The following BMPR1A variants were observed in gnomAD, a reference collection of about 807,000 sequenced individuals.
BMPR1A encodes bone morphogenetic protein receptor type-1A.
BMPR1A carries 7 observed loss-of-function variants against 66.0 expected under a neutral mutation model. The ratio of observed to expected loss-of-function variants is 0.11; its 90% confidence interval spans 0.06 to 0.20. The LOEUF is 0.20. Ranked by LOEUF, BMPR1A falls within the 10% of genes least tolerant of loss-of-function variation. BMPR1A has a pLI of 1.00. For synonymous variants in BMPR1A, 200 were observed against 229.7 expected (o/e 0.87, Z 1.17); for missense variants, 408 against 669.1 (o/e 0.61, Z 4.31).
At chr10:86,846,323 C>CG (rs377757872) in intron 2 of BMPR1A, among the ~76,000 whole-genome samples, 59 of 152,264 alleles carry the variant, frequency 3.9e-4, no homozygotes, top group African/African-American at 1.3e-3. Context: ...GCTCCATTGA[C>CG]GGGCCTGGTA....
rs932587168 is a variant in BMPR1A, at chr10:86,830,984, A to G, written c.-267-7881A>G. Among the ~76,000 whole-genome samples the G allele has an allele frequency of 3.3e-5, 5 of 152,114 alleles. No individual in the cohort carries two copies. The East Asian group carries it at 7.7e-4, about 23-fold the overall frequency. The stretch of plus-strand genomic sequence containing the variant: ...CTGAATATTTCCTATAAGTGGAATC[A>G]TATGTCTGGCTTCTTTCACTTAGCA... On this transcript the variant is annotated intron_variant, in intron 1 of 12. Transcript: ENST00000372037.
At chr10:86,922,453 T>G (rs1048819410) in intron 11 of BMPR1A, among the ~76,000 whole-genome samples, 8 of 152,174 alleles carry the variant, frequency 5.3e-5, no homozygotes, top group Non-Finnish European at 1.2e-4. Flanking sequence ...GTAATTTAGA[T>G]GTCACATACG....
intron 1 of BMPR1A, among the ~76,000 whole-genome samples, chr10:86,765,114 A>G (rs529296076): frequency 7.9e-5 from 12 of 152,274 alleles, no homozygotes; most frequent in African/African-American, 2.9e-4. Context: ...GAAAGTTTAA[A>G]ATTACACGTC....
At chr10:86,799,502 C>CTTTCTT (rs1554879873) in intron 1 of BMPR1A, among the ~76,000 whole-genome samples, 2 of 122,536 alleles carry the variant, frequency 1.6e-5, no homozygotes, top group Non-Finnish European at 3.3e-5. Flanking sequence ...TCCTTCCTTC[C>CTTTCTT]TTCCTTTCTT....
chr10:86,811,093 C>T (rs1486567066), intron 1 of BMPR1A, among the ~76,000 whole-genome samples: 2 of 152,166 alleles, frequency 1.3e-5, no homozygotes, highest in Non-Finnish European at 1.5e-5. Context: ...GGCTGGAGTG[C>T]CGTAGTGCCA....
chr10:86,899,666 T>C (rs1843277165), intron 5 of BMPR1A, 128 bp from the exon 6 acceptor site: 9 of 948,482 alleles, frequency 9.5e-6, no homozygotes, highest in Non-Finnish European at 1.4e-5. Context: ...CAATAATCTG[T>C]TTTTACATAT....
intron 1 of BMPR1A, among the ~76,000 whole-genome samples, chr10:86,761,049 T>G (rs1308144135): frequency 6.6e-6 from 1 of 152,198 alleles, no homozygotes; most frequent in Non-Finnish European, 1.5e-5. Context: ...AGTGTTTCTC[T>G]CCCTAATCAA....
At chr10:86,767,876 C>T (rs1264443440) in intron 1 of BMPR1A, among the ~76,000 whole-genome samples, 4 of 152,150 alleles carry the variant, frequency 2.6e-5, no homozygotes, top group Non-Finnish European at 1.5e-5. Flanking sequence ...TTTGGCACCA[C>T]ACCTAAACAG....
At position 86,827,380 on chromosome 10, in the gene BMPR1A, A is replaced by G. The variant is rs534669927; in HGVS notation, c.-267-11485A>G. ...GTTCATTAATTTTTCACTATTTGATATAATATTCCAAATTACTGGAATATG... is the reference window on the plus strand; with the variant it reads ...GTTCATTAATTTTTCACTATTTGATGTAATATTCCAAATTACTGGAATATG... On this transcript the variant is annotated intron_variant, in intron 1 of 12. Transcript: ENST00000372037. Among the ~76,000 whole-genome samples the G allele has an allele frequency of 9.2e-5, 14 of 152,330 alleles. No individual in the cohort carries two copies. The South Asian group carries it at 2.9e-3, about 32-fold the overall frequency.
intron 1 of BMPR1A, among the ~76,000 whole-genome samples, chr10:86,830,263 G>A (rs1017922722): frequency 6.6e-6 from 1 of 152,226 alleles, no homozygotes; most frequent in Admixed American, 6.5e-5. Context: ...ACACCTTGAC[G>A]GGAGGTTTGC....
chr10:86,780,070 C>T (rs1363088277), intron 1 of BMPR1A, among the ~76,000 whole-genome samples: 1 of 152,084 alleles, frequency 6.6e-6, no homozygotes, highest in Non-Finnish European at 1.5e-5. Context: ...GGTAATAGCA[C>T]CTGGCCTATT....
At chr10:86,765,193 A>G (rs958145059) in intron 1 of BMPR1A, among the ~76,000 whole-genome samples, 1 of 152,052 alleles carries the variant, frequency 6.6e-6, no homozygotes, top group African/African-American at 2.4e-5. Context: ...TTTAAAATCT[A>G]GTATAAATCC....
intron 2 of BMPR1A, among the ~76,000 whole-genome samples, chr10:86,854,201 C>T (rs1424067328): frequency 3.9e-5 from 6 of 152,180 alleles, no homozygotes; most frequent in African/African-American, 1.2e-4. Flanking sequence ...CCCGGCTCAC[C>T]GGCGGTCAGA....
At chr10:86,855,220 C>A (rs1254455664) in intron 2 of BMPR1A, 2 of 940,404 alleles carry the variant, frequency 2.1e-6, no homozygotes, top group African/African-American at 3.4e-5. Context: ...AGTTTTTTAA[C>A]CAGAGAGGCT....
At chr10:86,825,040 T>G (rs1842173480) in intron 1 of BMPR1A, among the ~76,000 whole-genome samples, 2 of 152,112 alleles carry the variant, frequency 1.3e-5, no homozygotes, top group Admixed American at 1.3e-4. Flanking sequence ...TGTAATTTTC[T>G]AAATATATTA....
At position 86,923,339 on chromosome 10, in the gene BMPR1A, A is replaced by T. The variant is rs748649117; in HGVS notation, c.1343-37A>T. On this transcript the variant is annotated intron_variant, in intron 11 of 12. Coordinates refer to ENST00000372037, the MANE Select transcript of BMPR1A (RefSeq NM_004329.3). ...CTAGATTGGTATATCTTGTCCAGCAACCATTTTTGTGCCCATGTTTTCTCA... is the reference window on the plus strand; with the variant it reads ...CTAGATTGGTATATCTTGTCCAGCATCCATTTTTGTGCCCATGTTTTCTCA... 4 of 1,613,502 alleles carry T rather than the reference A, an allele frequency of 2.5e-6. No homozygotes were observed. In the South Asian group the frequency reaches 4.4e-5, roughly 18 times the overall value.
intron 1 of BMPR1A, among the ~76,000 whole-genome samples, chr10:86,805,071 G>A (rs1841870441): frequency 3.3e-5 from 5 of 151,942 alleles, no homozygotes; most frequent in Admixed American, 3.3e-4. Context: ...TTCATATCTA[G>A]ATGTCTCCCT....
At chr10:86,834,386 A>G (rs910181420) in intron 1 of BMPR1A, among the ~76,000 whole-genome samples, 1 of 152,220 alleles carries the variant, frequency 6.6e-6, no homozygotes, top group African/African-American at 2.4e-5. Flanking sequence ...ATACTTGCCA[A>G]AATCCTACAC....
intron 3 of BMPR1A, among the ~76,000 whole-genome samples, chr10:86,885,965 G>A (rs1356826078): frequency 6.6e-6 from 1 of 152,134 alleles, no homozygotes; most frequent in Non-Finnish European, 1.5e-5. Context: ...CCTGTGTATG[G>A]TCATGTGTCT....
Sources: gnomAD v4.1 joint callset for allele counts (sites outside exome capture counted in the v4.1 genomes callset) on GRCh38, gnomAD v4.1.1 for gene constraint, MANE v1.5 for transcripts, NCBI Gene and HGNC (gene_info 2026-07-23, HGNC 2026-07-21) for gene names.